The following FBXL13 variants were observed in gnomAD, a reference collection of about 807,000 sequenced individuals.
FBXL13 encodes the protein F-box and leucine-rich repeat protein 13.
FBXL13 carries 67 observed loss-of-function variants against 83.6 expected under a neutral mutation model. The ratio of observed to expected loss-of-function variants is 0.80; its 90% CI spans 0.66 to 0.98. FBXL13 has a LOEUF of 0.98. Among genes scored for constraint, FBXL13 ranks in the 50% least tolerant of loss-of-function variants. FBXL13 has a pLI of 0.00. For missense variants in FBXL13, 822 were observed against 866.5 expected (o/e 0.95, Z 0.64); for synonymous variants, 272 against 299.5 (o/e 0.91, Z 0.95).
intron 1 of FBXL13, among the ~76,000 whole-genome samples, chr7:103,057,418 G>A (rs1403560334): frequency 6.6e-6 from 1 of 151,488 alleles, no homozygotes; most frequent in African/African-American, 2.4e-5. Context: ...TGGGGTTGGG[G>A]GGGGTTGTTT....
At chr7:103,039,665 C>T (rs903404184) in intron 2 of FBXL13, among the ~76,000 whole-genome samples, 1 of 151,824 alleles carries the variant, frequency 6.6e-6, no homozygotes, top group Non-Finnish European at 1.5e-5. Flanking sequence ...GAGTGGGGGC[C>T]AATATTCAAC....
chr7:103,055,703 C>G, exon 2 of FBXL13: 1 of 1,286,518 alleles, frequency 7.8e-7, no homozygotes, highest in South Asian at 1.3e-5. Context: ...CTAAATACCT[C>G]AGCGGATCCT....
chr7:102,963,724 CA>C, intron 7 of FBXL13, 59 bp from the exon 9 acceptor site: 6 of 1,514,848 alleles, frequency 4.0e-6, no homozygotes, highest in Non-Finnish European at 5.3e-6. Flanking sequence ...ACAATTGCAA[CA>C]AAAACAATAA....
Position 103,064,004 on chromosome 7 carries a change from G to T in FBXL13, c.-104-8257C>A, listed in dbSNP as rs1585630269. On this transcript the variant is annotated intron_variant, in intron 1 of 19. Coordinates refer to ENST00000313221, the Ensembl canonical transcript of FBXL13. The stretch of plus-strand genomic sequence containing the variant: ...GCTTCAGTGTGGGTTTAACCCAGTG[G>T]CTTACTGATGTCACTAGGGCCTGGT... Among the ~76,000 whole-genome samples the T allele has an allele frequency of 2.0e-5, 3 of 152,272 alleles. No individual in the cohort carries two copies. The East Asian group carries it at 5.8e-4, about 29-fold the overall frequency.
At chr7:102,878,374 A>G in exon 15 of FBXL13, 1 of 1,610,466 alleles carries the variant, frequency 6.2e-7, no homozygotes, top group Non-Finnish European at 8.5e-7. Flanking sequence ...AGCCGCACAC[A>G]GTTGCTTAAA....
At chr7:102,956,136 A>G (rs951774496) in intron 8 of FBXL13, among the ~76,000 whole-genome samples, 1 of 152,142 alleles carries the variant, frequency 6.6e-6, no homozygotes. Context: ...AATCCTCAAT[A>G]AAATACTGGC....
intron 17 of FBXL13, among the ~76,000 whole-genome samples, chr7:102,834,090 GAA>G (rs1554404939): frequency 0.011 from 741 of 70,510 alleles, 31 homozygotes; most frequent in African/African-American, 0.04. Flanking sequence ...GGAAAGAAAA[GAA>G]AGAAAGAAAG....
At chr7:102,943,277 G>A (rs750054679) in intron 8 of FBXL13, among the ~76,000 whole-genome samples, 4 of 150,572 alleles carry the variant, frequency 2.7e-5, no homozygotes, top group Non-Finnish European at 5.9e-5. Flanking sequence ...TCTTACATGC[G>A]AAATATTTTC....
intron 17 of FBXL13, among the ~76,000 whole-genome samples, chr7:102,851,883 T>G (rs1340412765): frequency 6.6e-6 from 1 of 152,162 alleles, no homozygotes; most frequent in Non-Finnish European, 1.5e-5. Context: ...TCTCACACGC[T>G]CTTGAAGAAT....
chr7:103,039,171 G>A (rs1333886513), intron 2 of FBXL13, among the ~76,000 whole-genome samples: 1 of 152,186 alleles, frequency 6.6e-6, no homozygotes, highest in Non-Finnish European at 1.5e-5. Context: ...ACTTCATGAT[G>A]CATGCATAAG....
intron 11 of FBXL13, among the ~76,000 whole-genome samples, chr7:102,911,610 A>G (rs1413791854): frequency 6.6e-6 from 1 of 152,212 alleles, no homozygotes; most frequent in Non-Finnish European, 1.5e-5. Flanking sequence ...TCCTTGAGGA[A>G]GACTTTCCTG....
At chr7:102,829,934 T>C (rs1800362324) in intron 18 of FBXL13, among the ~76,000 whole-genome samples, 1 of 152,070 alleles carries the variant, frequency 6.6e-6, no homozygotes, top group Admixed American at 6.6e-5. Context: ...CAGATGATGG[T>C]CCCCACATCT....
intron 16 of FBXL13, among the ~76,000 whole-genome samples, chr7:102,861,742 G>T (rs1224564947): frequency 6.6e-6 from 1 of 152,176 alleles, no homozygotes; most frequent in Non-Finnish European, 1.5e-5. Context: ...AGCACTTTGG[G>T]AGGCCAAGGC....
intron 11 of FBXL13, among the ~76,000 whole-genome samples, chr7:102,898,254 C>T (rs1170443318): frequency 2.6e-5 from 4 of 152,050 alleles, no homozygotes; most frequent in African/African-American, 9.7e-5. Context: ...TATATAAATA[C>T]ACAAACATAT....
intron 16 of FBXL13, among the ~76,000 whole-genome samples, chr7:102,862,516 TA>T (rs1182781476): frequency 6.6e-6 from 1 of 152,172 alleles, no homozygotes; most frequent in Non-Finnish European, 1.5e-5. Flanking sequence ...TTATATAAAA[TA>T]TTTACACTAG....
intron 8 of FBXL13, among the ~76,000 whole-genome samples, chr7:102,945,342 G>C (rs1310653800): frequency 6.6e-6 from 1 of 152,078 alleles, no homozygotes; most frequent in Non-Finnish European, 1.5e-5. Context: ...TTGTTTGTTT[G>C]TTTTTGTTTT....
intron 17 of FBXL13, among the ~76,000 whole-genome samples, chr7:102,836,810 T>A (rs201794393): frequency 2.0e-5 from 3 of 148,162 alleles, no homozygotes; most frequent in African/African-American, 7.3e-5. Flanking sequence ...AATAATGTGC[T>A]TCTGCCAAAA....
At chr7:103,045,830 G>A (rs1390915749) in intron 2 of FBXL13, among the ~76,000 whole-genome samples, 2 of 152,170 alleles carry the variant, frequency 1.3e-5, no homozygotes, top group African/African-American at 4.8e-5. Context: ...AAAACTTAGG[G>A]CCTTAGTGCC....
At chr7:102,947,163 T>C (rs35479298) in intron 8 of FBXL13, among the ~76,000 whole-genome samples, 30,397 of 152,168 alleles carry the variant, frequency 0.2, 3,259 homozygotes, top group East Asian at 0.43. Flanking sequence ...TTATTGTTCA[T>C]GAGCCTCAGA....
Sources: allele counts gnomAD v4.1 joint callset (sites outside exome capture counted in the v4.1 genomes callset), GRCh38; gene constraint gnomAD v4.1.1; transcripts MANE v1.5; gene names NCBI Gene and HGNC (gene_info 2026-07-23, HGNC 2026-07-21).